The following CCSER1 variants were observed in gnomAD, a reference collection of about 807,000 sequenced individuals.
CCSER1 encodes serine-rich coiled-coil domain-containing protein 1.
Under a neutral mutation model 82.0 loss-of-function variants are expected in CCSER1, and 41 were observed. That is an observed-to-expected ratio of 0.50 (90% CI 0.39 to 0.65). The LOEUF is 0.65. Ranked by LOEUF, CCSER1 falls within the 30% of genes least tolerant of loss-of-function variation. The pLI is 0.00. For synonymous variants in CCSER1, 414 were observed against 383.9 expected (o/e 1.08, Z -0.92); for missense variants, 1,119 against 1,064.2 (o/e 1.05, Z -0.72).
intron 9 of CCSER1, among the ~76,000 whole-genome samples, chr4:90,948,807 AT>A (rs1269620620): frequency 6.6e-6 from 1 of 151,974 alleles, no homozygotes; most frequent in African/African-American, 2.4e-5. Context: ...AATTCACATG[AT>A]TTTTTGTTTA....
At chr4:90,523,599 A>G (rs1773398870) in intron 5 of CCSER1, among the ~76,000 whole-genome samples, 2 of 152,184 alleles carry the variant, frequency 1.3e-5, no homozygotes, top group South Asian at 4.1e-4. Context: ...TATCATTTTT[A>G]GTAGTATTTA....
Position 91,591,418 on chromosome 4 carries a change from G to T in CCSER1, c.2218-7154G>T, listed in dbSNP as rs141442473. ...TTTGTAATTAATTAAATTAATATAT[G>T]TATTATAGAGTGTATTCTGTCATTT... is the stretch of plus-strand genomic sequence containing the variant. On this transcript the variant is annotated intron_variant, in intron 10 of 10. Coordinates refer to ENST00000509176, the MANE Select transcript of CCSER1 (RefSeq NM_001145065.2). Among the ~76,000 whole-genome samples the T allele has an allele frequency of 7.5e-3, 1,140 of 151,940 alleles. 4 individuals carry two copies. Among genetic ancestry groups the T allele is most frequent in the Middle Eastern group, 0.02 (6 of 294 alleles).
At chr4:91,455,541 G>A (rs992845083) in intron 10 of CCSER1, among the ~76,000 whole-genome samples, 1 of 151,970 alleles carries the variant, frequency 6.6e-6, no homozygotes, top group African/African-American at 2.4e-5. Context: ...ATTAGACACC[G>A]TATATACTGG....
At chr4:90,484,276 AT>A (rs1398170415) in intron 5 of CCSER1, among the ~76,000 whole-genome samples, 1 of 151,278 alleles carries the variant, frequency 6.6e-6, no homozygotes, top group Non-Finnish European at 1.5e-5. Flanking sequence ...CATTCATCTA[AT>A]TTTTTTTCAA....
At chr4:90,775,898 A>G (rs1752826844) in intron 7 of CCSER1, among the ~76,000 whole-genome samples, 2 of 151,530 alleles carry the variant, frequency 1.3e-5, no homozygotes, top group South Asian at 2.1e-4. Context: ...AGAATCAACT[A>G]TCTAGTTGCC....
At chr4:90,534,486 T>A (rs1323246892) in intron 5 of CCSER1, among the ~76,000 whole-genome samples, 1 of 147,018 alleles carries the variant, frequency 6.8e-6, no homozygotes, top group Non-Finnish European at 1.5e-5. Context: ...TGTGTGTGTG[T>A]GTGATGTTTA....
intron 3 of CCSER1, among the ~76,000 whole-genome samples, chr4:90,381,192 C>G (rs1749149790): frequency 1.3e-5 from 2 of 152,216 alleles, no homozygotes; most frequent in Non-Finnish European, 2.9e-5. Context: ...CCACTACCCA[C>G]CCTTGTGATA....
chr4:90,329,104 A>G (rs1738790598), intron 3 of CCSER1, among the ~76,000 whole-genome samples: 1 of 152,190 alleles, frequency 6.6e-6, no homozygotes, highest in Non-Finnish European at 1.5e-5. Context: ...TGCATTGTTT[A>G]AAAATCAAAG....
chr4:90,241,096 A>G (rs909143736), intron 1 of CCSER1, among the ~76,000 whole-genome samples: 16 of 152,344 alleles, frequency 1.1e-4, no homozygotes, highest in African/African-American at 3.8e-4. Context: ...TCATTTCACA[A>G]AGCTAAAGAG....
chr4:91,079,539 C>A (rs1722444484), intron 9 of CCSER1, among the ~76,000 whole-genome samples: 1 of 152,118 alleles, frequency 6.6e-6, no homozygotes, highest in South Asian at 2.1e-4. Flanking sequence ...CAGCTAACAT[C>A]ATAATGACAG....
At chr4:90,828,017 TG>T in intron 8 of CCSER1, among the ~76,000 whole-genome samples, 1 of 152,242 alleles carries the variant, frequency 6.6e-6, no homozygotes, top group Middle Eastern at 3.4e-3. Flanking sequence ...GTGACAAAGT[TG>T]GTCTGTGTGT....
chr4:91,044,156 A>G (rs6835894), intron 9 of CCSER1, among the ~76,000 whole-genome samples: 8,854 of 152,178 alleles, frequency 0.058, 314 homozygotes, highest in African/African-American at 0.09. Context: ...AATTCTATCT[A>G]AGGTAAAATC....
At chr4:90,839,671 G>A (rs1762313824) in intron 8 of CCSER1, among the ~76,000 whole-genome samples, 1 of 152,156 alleles carries the variant, frequency 6.6e-6, no homozygotes. Context: ...TATTGGAAAG[G>A]CTGAGCTTTC....
At chr4:90,990,240 C>T (rs1301295474) in intron 9 of CCSER1, among the ~76,000 whole-genome samples, 1 of 151,822 alleles carries the variant, frequency 6.6e-6, no homozygotes, top group African/African-American at 2.4e-5. Context: ...ACAAGATATA[C>T]GAATGTCACC....
chr4:90,172,095 C>G (rs1415199579), intron 1 of CCSER1, among the ~76,000 whole-genome samples: 1 of 151,858 alleles, frequency 6.6e-6, no homozygotes, highest in Non-Finnish European at 1.5e-5. Flanking sequence ...GGTGAAAAGG[C>G]CATGCTCTTT....
intron 8 of CCSER1, among the ~76,000 whole-genome samples, chr4:90,853,713 G>A (rs1764135823): frequency 6.6e-6 from 1 of 152,018 alleles, no homozygotes; most frequent in African/African-American, 2.4e-5. Flanking sequence ...TATACACTTT[G>A]GAAAGTTCTG....
chr4:91,130,287 G>A (rs1371671143), intron 10 of CCSER1, among the ~76,000 whole-genome samples: 1 of 151,700 alleles, frequency 6.6e-6, no homozygotes, highest in African/African-American at 2.4e-5. Context: ...CAGGAGCAAA[G>A]TATAGCTTAT....
chr4:90,886,747 A>C (rs1160005398), intron 8 of CCSER1, among the ~76,000 whole-genome samples: 1 of 152,200 alleles, frequency 6.6e-6, no homozygotes, highest in Non-Finnish European at 1.5e-5. Context: ...CCTGACAAAG[A>C]AAGAACTACA....
At chr4:90,750,772 T>G (rs1349022363) in intron 7 of CCSER1, among the ~76,000 whole-genome samples, 1 of 152,176 alleles carries the variant, frequency 6.6e-6, no homozygotes, top group African/African-American at 2.4e-5. Context: ...TATATGAATA[T>G]TGGTAAATGG....
Sources: gnomAD v4.1 joint callset for allele counts (sites outside exome capture counted in the v4.1 genomes callset) on GRCh38, gnomAD v4.1.1 for gene constraint, MANE v1.5 for transcripts, NCBI Gene and HGNC (gene_info 2026-07-23, HGNC 2026-07-21) for gene names.